The following RASEF variants were observed in gnomAD, a reference collection of about 807,000 sequenced individuals.
RASEF encodes the protein ras and EF-hand domain-containing protein.
A neutral mutation model predicts 90.1 loss-of-function variants in RASEF; 68 were observed. The ratio of observed to expected loss-of-function variants is 0.75; its 90% CI spans 0.62 to 0.92. The LOEUF is 0.92. Ranked by LOEUF, RASEF falls within the 40% of genes least tolerant of loss-of-function variation. The pLI is 0.00. For missense variants in RASEF, 949 were observed against 937.2 expected (o/e 1.01, Z -0.16); for synonymous variants, 331 against 345.2 (o/e 0.96, Z 0.46).
At chr9:82,988,574 G>C (rs1828755114) in intron 16 of RASEF, among the ~76,000 whole-genome samples, 2 of 152,134 alleles carry the variant, frequency 1.3e-5, no homozygotes, top group Non-Finnish European at 2.9e-5. Context: ...TCAAGCGGGT[G>C]GCTCTCTCAT....
chr9:83,033,872 C>T (rs1000014293), intron 1 of RASEF, among the ~76,000 whole-genome samples: 2 of 152,132 alleles, frequency 1.3e-5, no homozygotes, highest in Non-Finnish European at 2.9e-5. Flanking sequence ...TATGTTCTTA[C>T]TAATGTAATA....
chr9:83,113,648 G>A, the RASEF span, among the ~76,000 whole-genome samples: 3 of 152,112 alleles, frequency 2.0e-5, no homozygotes, highest in African/African-American at 4.8e-5. Context: ...GGCCGCGCTG[G>A]GAGTGTCTGT....
At chr9:83,208,019 G>C in the RASEF span, among the ~76,000 whole-genome samples, 3 of 152,268 alleles carry the variant, frequency 2.0e-5, no homozygotes, top group Non-Finnish European at 4.4e-5. Context: ...CATTTTTATT[G>C]TTAATATCAA....
At chr9:83,189,129 C>T in the RASEF span, among the ~76,000 whole-genome samples, 1 of 152,284 alleles carries the variant, frequency 6.6e-6, no homozygotes, top group African/African-American at 2.4e-5. Context: ...CCCCACATGT[C>T]GTGGGAGGGG....
At chr9:83,069,210 A>G in the RASEF span, among the ~76,000 whole-genome samples, 1 of 152,180 alleles carries the variant, frequency 6.6e-6, no homozygotes, top group Non-Finnish European at 1.5e-5. Flanking sequence ...AAATGCACCA[A>G]TTTTAAAGTA....
the RASEF span, among the ~76,000 whole-genome samples, chr9:83,153,501 A>C: frequency 6.6e-6 from 1 of 152,214 alleles, no homozygotes; most frequent in Non-Finnish European, 1.5e-5. Flanking sequence ...AAAGATCTAC[A>C]TCAATAGAAA....
intron 1 of RASEF, among the ~76,000 whole-genome samples, chr9:83,036,580 G>C (rs1227965017): frequency 1.3e-5 from 2 of 152,110 alleles, no homozygotes; most frequent in African/African-American, 4.8e-5. Flanking sequence ...AACTCTTCTG[G>C]CAGCAACAAC....
chr9:83,025,900 C>G lies in RASEF; in HGVS notation c.453G>C (p.Leu151Phe). Residue 151 changes from leucine to phenylalanine, a missense_variant, in exon 2 of 17, where the codon TTG (leucine) becomes TTC (phenylalanine). Around this residue, in one of 3 missense-constraint regions of RASEF, gnomAD observed 656 missense variants for 592.2 expected, o/e 1.11. Transcript: ENST00000376447. ...FIPREEQVST[L>F]YQNINLVEPR... ...GCTCCACAAGGTTGATGTTTTGGTA[C>G]AAGGTACTAACTTGCTCTTCTCTGC... 1 of 1,612,850 alleles carries G rather than the reference C, an allele frequency of 6.2e-7. No individual in the cohort carries two copies. The highest frequency in any genetic ancestry group is 8.5e-7 in the Non-Finnish European group (1 of 1,179,394).
At chr9:83,209,088 G>A in the RASEF span, among the ~76,000 whole-genome samples, 3 of 152,184 alleles carry the variant, frequency 2.0e-5, no homozygotes, top group Non-Finnish European at 4.4e-5. Context: ...TGGGCTCTCT[G>A]GTCCCAGTAT....
intron 1 of RASEF, among the ~76,000 whole-genome samples, chr9:83,046,405 G>A (rs948676871): frequency 6.6e-6 from 1 of 152,036 alleles, no homozygotes; most frequent in African/African-American, 2.4e-5. Flanking sequence ...TATGCCTTGT[G>A]TATGTTTGCA....
intron 1 of RASEF, among the ~76,000 whole-genome samples, chr9:83,027,010 G>A (rs1829560918): frequency 6.6e-6 from 1 of 152,116 alleles, no homozygotes; most frequent in Non-Finnish European, 1.5e-5. Flanking sequence ...AGGGGTTCCC[G>A]TGACCCCCTC....
At chr9:82,984,529 A>T (rs928637327) in intron 16 of RASEF, among the ~76,000 whole-genome samples, 2 of 152,190 alleles carry the variant, frequency 1.3e-5, no homozygotes, top group Non-Finnish European at 2.9e-5. Flanking sequence ...TTCATATTTG[A>T]TATATACCCC....
chr9:83,025,446 G>T (rs1829526694), intron 2 of RASEF, among the ~76,000 whole-genome samples: 1 of 152,188 alleles, frequency 6.6e-6, no homozygotes, highest in South Asian at 2.1e-4. Flanking sequence ...AACAAGGCCA[G>T]GCTTCAAATA....
the RASEF span, among the ~76,000 whole-genome samples, chr9:83,149,378 T>A: frequency 6.6e-6 from 1 of 152,104 alleles, no homozygotes; most frequent in East Asian, 1.9e-4. Context: ...GAGGCTACAT[T>A]AGGGAGCTGG....
the RASEF span, among the ~76,000 whole-genome samples, chr9:83,142,952 A>G: frequency 6.6e-5 from 10 of 152,280 alleles, no homozygotes; most frequent in African/African-American, 1.9e-4. Context: ...ATGTTATGGG[A>G]TCCCGAGTGA....
At chr9:83,128,012 T>A in the RASEF span, among the ~76,000 whole-genome samples, 14 of 145,692 alleles carry the variant, frequency 9.6e-5, no homozygotes, top group Non-Finnish European at 1.5e-4. Context: ...TTTTTCTTTT[T>A]TATTTTTCTT....
the RASEF span, among the ~76,000 whole-genome samples, chr9:83,175,223 C>A: frequency 2.0e-5 from 3 of 152,260 alleles, no homozygotes; most frequent in East Asian, 5.8e-4. Context: ...ACACTTTTGA[C>A]TACTATAATA....
At chr9:83,169,178 A>G in the RASEF span, among the ~76,000 whole-genome samples, 3 of 152,080 alleles carry the variant, frequency 2.0e-5, no homozygotes, top group Non-Finnish European at 4.4e-5. Context: ...TGCAAATGAC[A>G]GGGCTTCATT....
the RASEF span, among the ~76,000 whole-genome samples, chr9:83,151,725 C>T: frequency 6.6e-6 from 1 of 152,122 alleles, no homozygotes; most frequent in African/African-American, 2.4e-5. Context: ...AAGACATCAT[C>T]CTTCCTAAAA....
Sources: allele counts gnomAD v4.1 joint callset (sites outside exome capture counted in the v4.1 genomes callset), GRCh38; gene constraint gnomAD v4.1.1; regional missense constraint gnomAD v4.1.1; transcripts MANE v1.5; gene names NCBI Gene and HGNC (gene_info 2026-07-23, HGNC 2026-07-21).